Variants in EDIL3 observed in about 807,000 individuals in gnomAD.
EDIL3 encodes EGF-like repeat and discoidin I-like domain-containing protein 3.
In EDIL3, 37 loss-of-function variants were observed where a neutral mutation model predicts 67.4. That is an observed-to-expected ratio of 0.55 (90% CI 0.42 to 0.72). The LOEUF is 0.72. EDIL3 is among the 30% of genes least tolerant of loss of function. The pLI is 0.00. For missense variants in EDIL3, 527 were observed against 586.3 expected, an observed-to-expected ratio of 0.90 and a Z score of 1.04; for synonymous variants, 195 against 196.3, an observed-to-expected ratio of 0.99 and a Z score of 0.05.
Position 84,064,841 on chromosome 5 carries a change from A to G in EDIL3, c.811T>C (p.Phe271Leu). Residue 271 changes from phenylalanine to leucine, a missense_variant, in exon 8 of 11, where the codon TTT (phenylalanine) becomes CTT (leucine). By Grantham distance (22) the Phe-to-Leu change is conservative. This residue lies in a region of EDIL3 where 494 missense variants were observed against 522.5 expected (regional missense o/e 0.95). Transcript: ENST00000296591. The stretch of plus-strand genomic sequence containing the variant: ...GTGTTGTTATCAATGTTTCCACGAA[A>G]CACCTGTGTAAAAACAGTTTAAAAT... The part of the protein sequence containing the change: ...KVKGTNEDMV[F>L]RGNIDNNTPY... The G allele has an allele frequency of 8.1e-6, 13 of 1,608,144 alleles. No homozygotes were observed. The highest frequency in any genetic ancestry group is 1.7e-5 in the Admixed American group (1 of 58,936).
At chr5:84,378,947 A>G (rs1185629764) in intron 1 of EDIL3, among the ~76,000 whole-genome samples, 4 of 152,218 alleles carry the variant, frequency 2.6e-5, no homozygotes, top group Non-Finnish European at 5.9e-5. Context: ...GCAATCTTTT[A>G]ATAATGATGA....
chr5:83,971,021 T>G (rs181496046), intron 9 of EDIL3, among the ~76,000 whole-genome samples: 1 of 151,724 alleles, frequency 6.6e-6, no homozygotes, highest in Non-Finnish European at 1.5e-5. Context: ...CTGAGGTTTT[T>G]TTTTGTAATA....
chr5:84,095,890 A>G (rs1747253684), intron 6 of EDIL3, among the ~76,000 whole-genome samples: 1 of 152,208 alleles, frequency 6.6e-6, no homozygotes. Flanking sequence ...AAGGCCTAGG[A>G]GGAAACAGTG....
chr5:84,284,061 T>C (rs1338438135), intron 1 of EDIL3, among the ~76,000 whole-genome samples: 1 of 152,020 alleles, frequency 6.6e-6, no homozygotes, highest in Non-Finnish European at 1.5e-5. Flanking sequence ...TCATCGCACC[T>C]CACATCTTTA....
At chr5:84,121,907 C>G (rs1411183428) in intron 5 of EDIL3, among the ~76,000 whole-genome samples, 1 of 151,956 alleles carries the variant, frequency 6.6e-6, no homozygotes, top group Non-Finnish European at 1.5e-5. Context: ...TAAATTCTTC[C>G]AAACAACAGT....
At chr5:84,101,814 A>C (rs1258038720) in intron 6 of EDIL3, among the ~76,000 whole-genome samples, 3 of 152,104 alleles carry the variant, frequency 2.0e-5, no homozygotes, top group Non-Finnish European at 4.4e-5. Context: ...TTCCTAACTC[A>C]TTCTACAAGG....
chr5:84,012,037 C>A lies in EDIL3; in HGVS notation c.1137+48263G>T, dbSNP rs528439359. Reference sequence around the variant, plus strand: ...TTTCTGTCTTCTCTAATTCCAGTGACTAGAATGATTCTTGTTACATGGAAT... The same window carrying A: ...TTTCTGTCTTCTCTAATTCCAGTGAATAGAATGATTCTTGTTACATGGAAT... On this transcript the variant is annotated intron_variant, in intron 9 of 10. Coordinates refer to ENST00000296591, the MANE Select transcript of EDIL3 (RefSeq NM_005711.5). 1.4e-3 allele frequency among the ~76,000 whole-genome samples: 211 copies of A among 152,228 alleles called. 1 individual carries two copies. The highest frequency in any genetic ancestry group is 6.8e-3 in the Middle Eastern group (2 of 294).
chr5:84,216,014 G>A (rs915046018), intron 3 of EDIL3, among the ~76,000 whole-genome samples: 1 of 152,202 alleles, frequency 6.6e-6, no homozygotes, highest in Non-Finnish European at 1.5e-5. Flanking sequence ...AGACTGAAGA[G>A]GGGCCTGGAG....
In EDIL3 at chr5:84,343,111, T is replaced by C. The variant is rs571382000; in HGVS notation, c.67+41197A>G. Among the ~76,000 whole-genome samples the C allele has an allele frequency of 1.3e-4, 20 of 152,226 alleles. 1 individual carries two copies. The South Asian group carries it at 4.1e-3, about 32-fold the overall frequency. ...GGACAATAAAATATTTGTGCCTACA[T>C]TATATATCTTCTTTAGAGAGAAACT... On this transcript the variant is annotated intron_variant, in intron 1 of 10. Coordinates refer to ENST00000296591, the MANE Select transcript of EDIL3 (RefSeq NM_005711.5).
chr5:83,967,311 A>C (rs1006069864), intron 9 of EDIL3, among the ~76,000 whole-genome samples: 1 of 152,198 alleles, frequency 6.6e-6, no homozygotes. Flanking sequence ...ACAGAGCCAG[A>C]CATCATCTCA....
At chr5:84,035,278 G>A (rs768748157) in intron 9 of EDIL3, among the ~76,000 whole-genome samples, 13 of 152,050 alleles carry the variant, frequency 8.5e-5, no homozygotes, top group Non-Finnish European at 1.5e-4. Context: ...CAAAGATCCT[G>A]CTGATTAATT....
intron 1 of EDIL3, among the ~76,000 whole-genome samples, chr5:84,338,948 C>T (rs2112174635): frequency 6.6e-6 from 1 of 152,224 alleles, no homozygotes; most frequent in South Asian, 2.1e-4. Context: ...TCATTTTGGG[C>T]TGAGTCCTGC....
At chr5:84,137,431 A>T in intron 4 of EDIL3, 77 bp from the exon 5 acceptor site, 9 of 1,259,788 alleles carry the variant, frequency 7.1e-6, no homozygotes, top group Non-Finnish European at 1.0e-5. Context: ...TTAACATTTG[A>T]AATACAAATG....
At chr5:84,103,177 T>C (rs1254506035) in intron 6 of EDIL3, among the ~76,000 whole-genome samples, 2 of 152,082 alleles carry the variant, frequency 1.3e-5, no homozygotes, top group African/African-American at 4.8e-5. Context: ...GGCAGAAGAT[T>C]GAAACTGGAC....
At chr5:84,089,452 C>G (rs1431278403) in intron 6 of EDIL3, among the ~76,000 whole-genome samples, 1 of 152,150 alleles carries the variant, frequency 6.6e-6, no homozygotes, top group Non-Finnish European at 1.5e-5. Context: ...TTTAGGCCCT[C>G]CTTATATCTG....
At chr5:84,043,541 G>T (rs946938531) in intron 9 of EDIL3, among the ~76,000 whole-genome samples, 5 of 152,178 alleles carry the variant, frequency 3.3e-5, no homozygotes, top group African/African-American at 1.2e-4. Flanking sequence ...GCAAAAAAAG[G>T]CTGTTAAGGT....
chr5:84,250,484 A>C (rs940498212), intron 2 of EDIL3, among the ~76,000 whole-genome samples: 2 of 152,236 alleles, frequency 1.3e-5, no homozygotes, highest in Non-Finnish European at 2.9e-5. Context: ...TATTGATTGC[A>C]AATGTGTTAA....
At chr5:84,232,112 C>T (rs17284811) in intron 2 of EDIL3, among the ~76,000 whole-genome samples, 17,129 of 152,170 alleles carry the variant, frequency 0.11, 1,212 homozygotes, top group Non-Finnish European at 0.16. Flanking sequence ...GTGCTGATTC[C>T]GTTTCTACTT....
chr5:84,176,841 C>A (rs1748926875), intron 4 of EDIL3, among the ~76,000 whole-genome samples: 1 of 151,330 alleles, frequency 6.6e-6, no homozygotes, highest in African/African-American at 2.4e-5. Context: ...TTTGATAATT[C>A]TATACCAAAT....
Sources: gnomAD v4.1 joint callset for allele counts (sites outside exome capture counted in the v4.1 genomes callset) on GRCh38, gnomAD v4.1.1 for gene constraint, gnomAD v4.1.1 regional missense constraint, MANE v1.5 for transcripts, NCBI Gene and HGNC (gene_info 2026-07-23, HGNC 2026-07-21) for gene names.